CAST: variants seen among roughly 807,000 people sequenced by gnomAD.
CAST encodes MIR583 host.
In CAST, 76 loss-of-function variants were observed where a neutral mutation model predicts 119.6. That is an observed-to-expected ratio of 0.64 (90% CI 0.53 to 0.77). The LOEUF (loss-of-function observed/expected upper bound fraction) is 0.77. CAST is among the 30% of genes least tolerant of loss of function. The pLI, the probability that CAST is intolerant of heterozygous loss-of-function variation, is 0.00. For missense variants in CAST, 953 were observed against 946.5 expected, an observed-to-expected ratio of 1.01 and a Z score of -0.09; for synonymous variants, 319 against 331.6, an observed-to-expected ratio of 0.96 and a Z score of 0.41.
chr5:96,209,023 T>C, the CAST span, among the ~76,000 whole-genome samples: 5 of 152,216 alleles, frequency 3.3e-5, no homozygotes, highest in East Asian at 9.6e-4. Flanking sequence ...GGTGCATATA[T>C]ATTTAGGGTA....
chr5:96,055,564 A>G, the CAST span, among the ~76,000 whole-genome samples: 3 of 152,190 alleles, frequency 2.0e-5, no homozygotes, highest in East Asian at 1.9e-4. Flanking sequence ...GTTGCCATTC[A>G]AAGTATACCT....
At chr5:96,503,241 C>A in the CAST span, among the ~76,000 whole-genome samples, 2 of 152,136 alleles carry the variant, frequency 1.3e-5, no homozygotes, top group Non-Finnish European at 2.9e-5. Context: ...ACTTATATGT[C>A]CTTACCCATG....
the CAST span, among the ~76,000 whole-genome samples, chr5:96,033,975 T>A: frequency 2.0e-5 from 3 of 151,922 alleles, no homozygotes; most frequent in African/African-American, 7.2e-5. Context: ...AATCACCCAA[T>A]TAAAAAATGC....
the CAST span, among the ~76,000 whole-genome samples, chr5:96,152,757 C>A: frequency 7.3e-6 from 1 of 137,400 alleles, no homozygotes; most frequent in East Asian, 2.0e-4. Context: ...GTAAAAAAAT[C>A]AACTATTTTC....
At chr5:96,726,354 C>T (rs1435827805) in intron 4 of CAST, among the ~76,000 whole-genome samples, 1 of 152,174 alleles carries the variant, frequency 6.6e-6, no homozygotes, top group Non-Finnish European at 1.5e-5. Flanking sequence ...TCGATCTCTG[C>T]ATACAGGACT....
At chr5:96,584,543 A>G (rs539198042) in intron 1 of CAST, 1 of 152,354 alleles carries the variant, frequency 6.6e-6, no homozygotes, top group East Asian at 1.9e-4. Context: ...ATAAAACAAA[A>G]TCACTCCAGT....
the CAST span, among the ~76,000 whole-genome samples, chr5:96,187,976 G>A: frequency 6.6e-6 from 1 of 152,138 alleles, no homozygotes; most frequent in Admixed American, 6.6e-5. Context: ...ACATGCCTTT[G>A]TAGTTACCCA....
chr5:96,338,834 C>CT, the CAST span, among the ~76,000 whole-genome samples: 3 of 152,056 alleles, frequency 2.0e-5, no homozygotes, highest in African/African-American at 7.2e-5. Context: ...TTGCTCAGAC[C>CT]TTTGGACTTT....
At chr5:96,246,720 C>T in the CAST span, among the ~76,000 whole-genome samples, 1 of 152,140 alleles carries the variant, frequency 6.6e-6, no homozygotes, top group African/African-American at 2.4e-5. Flanking sequence ...AGCTTCACTC[C>T]CCAGTAATTT....
the CAST span, among the ~76,000 whole-genome samples, chr5:96,380,539 A>G: frequency 6.6e-6 from 1 of 152,180 alleles, no homozygotes; most frequent in East Asian, 1.9e-4. Context: ...AACTGTGGTT[A>G]TTCTGACCTG....
chr5:96,668,473 C>T (rs1302954275), intron 1 of CAST, among the ~76,000 whole-genome samples: 1 of 152,210 alleles, frequency 6.6e-6, no homozygotes, highest in Non-Finnish European at 1.5e-5. Context: ...CCTTAACTCA[C>T]TGGCTTCTAA....
the CAST span, among the ~76,000 whole-genome samples, chr5:96,459,790 T>C: frequency 6.6e-6 from 1 of 152,226 alleles, no homozygotes; most frequent in Non-Finnish European, 1.5e-5. Context: ...TGTGTTTGCT[T>C]GTGTAATTAT....
chr5:96,083,034 G>A, the CAST span, among the ~76,000 whole-genome samples: 1 of 152,158 alleles, frequency 6.6e-6, no homozygotes, highest in East Asian at 1.9e-4. Flanking sequence ...CCATAGCATA[G>A]GGTATTTGGC....
At chr5:96,554,524 G>T (rs1746195684) in intron 1 of CAST, among the ~76,000 whole-genome samples, 1 of 152,110 alleles carries the variant, frequency 6.6e-6, no homozygotes, top group Admixed American at 6.6e-5. Context: ...AACACCAAAA[G>T]CAATGACAAC....
At chr5:96,610,902 C>T (rs1206065453) in intron 1 of CAST, among the ~76,000 whole-genome samples, 1 of 152,046 alleles carries the variant, frequency 6.6e-6, no homozygotes, top group African/African-American at 2.4e-5. Flanking sequence ...AAATTAAGAA[C>T]ATAATCCCAT....
At chr5:96,570,082 A>G (rs1040550155) in intron 1 of CAST, among the ~76,000 whole-genome samples, 1 of 152,212 alleles carries the variant, frequency 6.6e-6, no homozygotes, top group African/African-American at 2.4e-5. Flanking sequence ...TCCGTTGCTC[A>G]CTTGTGAATG....
At chr5:96,767,247 A>C (rs1770325840) in intron 27 of CAST, among the ~76,000 whole-genome samples, 191 bp from the exon 28 acceptor site, 1 of 152,222 alleles carries the variant, frequency 6.6e-6, no homozygotes, top group Non-Finnish European at 1.5e-5. Context: ...AGTCTACACA[A>C]ATGATTATAA....
At chr5:96,589,582 T>C (rs1746928334) in intron 1 of CAST, among the ~76,000 whole-genome samples, 1 of 152,210 alleles carries the variant, frequency 6.6e-6, no homozygotes, top group East Asian at 1.9e-4. Context: ...CTATCGTCTC[T>C]GAATCTGCAT....
At chr5:96,770,412 T>G in intron 29 of CAST, 119 bp from the exon 30 acceptor site, 1 of 645,012 alleles carries the variant, frequency 1.6e-6, no homozygotes, top group South Asian at 1.8e-5. Flanking sequence ...ACCCAAAGTC[T>G]TCCATTATTT....
Sources: gnomAD v4.1 joint callset for allele counts (sites outside exome capture counted in the v4.1 genomes callset) on GRCh38, gnomAD v4.1.1 for gene constraint, MANE v1.5 for transcripts, NCBI Gene and HGNC (gene_info 2026-07-23, HGNC 2026-07-21) for gene names.